Variants in SUPT3H observed in about 807,000 individuals in gnomAD.
SUPT3H encodes the protein SPT3 homolog, SAGA and STAGA complex component, also known as transcription initiation protein SPT3 homolog.
SUPT3H carries 44 observed loss-of-function variants against 44.3 expected under a neutral mutation model. The ratio of observed to expected loss-of-function variants is 0.99; its 90% CI spans 0.78 to 1.28. The LOEUF (loss-of-function observed/expected upper bound fraction) is 1.28. Ranked by LOEUF, SUPT3H falls within the 50% of genes most tolerant of loss-of-function variation. The probability of loss-of-function intolerance (pLI) is 0.00; values close to 1 mark genes in which losing one functional copy is unlikely to be tolerated. For missense variants in SUPT3H, 380 were observed against 387.1 expected (o/e 0.98, Z 0.15); for synonymous variants, 124 against 125.6 (o/e 0.99, Z 0.09).
In SUPT3H at chr6:45,303,501, C is replaced by G. The variant is rs182102666; in HGVS notation, c.101+61700G>C. Among the ~76,000 whole-genome samples the G allele has an allele frequency of 2.6e-5, 4 of 152,114 alleles. No individual in the cohort carries two copies. The South Asian group carries it at 6.2e-4, about 24-fold the overall frequency. On this transcript the variant is annotated intron_variant, in intron 2 of 10. Transcript: ENST00000371459. ...CAAAAGAAGATAGAGAAATGGCCAACAAACATATGAAAAAATGCTTAACAT... is the reference window on the plus strand; with the variant it reads ...CAAAAGAAGATAGAGAAATGGCCAAGAAACATATGAAAAAATGCTTAACAT...
At chr6:45,148,788 T>C (rs977380476) in intron 2 of SUPT3H, among the ~76,000 whole-genome samples, 2 of 152,204 alleles carry the variant, frequency 1.3e-5, no homozygotes, top group African/African-American at 4.8e-5. Flanking sequence ...ATTTTTTAAA[T>C]GTGTTACTGA....
intron 2 of SUPT3H, among the ~76,000 whole-genome samples, chr6:45,260,449 A>T (rs1307635694): frequency 6.6e-6 from 1 of 152,166 alleles, no homozygotes; most frequent in Non-Finnish European, 1.5e-5. Context: ...CTTTAAAAAA[A>T]TTAACACATT....
At chr6:44,900,134 G>A (rs1764737488) in intron 10 of SUPT3H, among the ~76,000 whole-genome samples, 1 of 152,242 alleles carries the variant, frequency 6.6e-6, no homozygotes, top group African/African-American at 2.4e-5. Flanking sequence ...TTCCAACTGA[G>A]GTACCCGGTT....
chr6:45,030,092 A>T (rs1786678350), intron 3 of SUPT3H, among the ~76,000 whole-genome samples: 1 of 151,348 alleles, frequency 6.6e-6, no homozygotes, highest in African/African-American at 2.5e-5. Flanking sequence ...TTTAGTATTT[A>T]ACTATTGAAA....
intron 10 of SUPT3H, among the ~76,000 whole-genome samples, chr6:44,851,023 T>C (rs1475982764): frequency 6.6e-6 from 1 of 152,202 alleles, no homozygotes; most frequent in Non-Finnish European, 1.5e-5. Flanking sequence ...CTGTGACCTC[T>C]GACAGATGGT....
intron 2 of SUPT3H, among the ~76,000 whole-genome samples, chr6:45,331,630 T>C (rs952018441): frequency 6.6e-6 from 1 of 151,950 alleles, no homozygotes; most frequent in Admixed American, 6.6e-5. Flanking sequence ...AATTTTACAT[T>C]ACAAACTGTT....
intron 9 of SUPT3H, among the ~76,000 whole-genome samples, chr6:44,952,764 A>G (rs1435323931): frequency 6.6e-6 from 1 of 152,240 alleles, no homozygotes; most frequent in Non-Finnish European, 1.5e-5. Flanking sequence ...TTAAAATTGG[A>G]AAGAAAACTT....
chr6:45,228,537 T>C (rs1767349135), intron 2 of SUPT3H, among the ~76,000 whole-genome samples: 1 of 152,186 alleles, frequency 6.6e-6, no homozygotes, highest in Admixed American at 6.5e-5. Flanking sequence ...TAAACTTGAA[T>C]CATGTGAGCC....
intron 2 of SUPT3H, among the ~76,000 whole-genome samples, chr6:45,348,121 T>C (rs767314958): frequency 1.8e-4 from 28 of 152,116 alleles, no homozygotes; most frequent in Admixed American, 7.9e-4. Context: ...AGCACCTTTC[T>C]CATTTCCATA....
chr6:45,308,401 C>G (rs1783432466), intron 2 of SUPT3H, among the ~76,000 whole-genome samples: 1 of 152,198 alleles, frequency 6.6e-6, no homozygotes, highest in Non-Finnish European at 1.5e-5. Context: ...GCTGATCTCT[C>G]AGCAGAAACT....
At chr6:44,916,876 G>A (rs1012690554) in intron 10 of SUPT3H, among the ~76,000 whole-genome samples, 4 of 152,130 alleles carry the variant, frequency 2.6e-5, no homozygotes, top group South Asian at 2.1e-4. Context: ...GCTCATGTCT[G>A]TAATTTCCCA....
intron 3 of SUPT3H, among the ~76,000 whole-genome samples, chr6:45,059,844 A>C (rs973151997): frequency 1.3e-5 from 2 of 152,152 alleles, no homozygotes; most frequent in Non-Finnish European, 2.9e-5. Context: ...ACCCATTCAC[A>C]ATTGCCACAA....
intron 2 of SUPT3H, among the ~76,000 whole-genome samples, chr6:45,242,269 T>C (rs1432115740): frequency 3.9e-5 from 6 of 152,162 alleles, no homozygotes; most frequent in African/African-American, 7.2e-5. Flanking sequence ...GGATAGAACA[T>C]AGAAGCCAAA....
intron 3 of SUPT3H, among the ~76,000 whole-genome samples, chr6:45,057,704 G>T (rs1047847166): frequency 6.6e-6 from 1 of 152,082 alleles, no homozygotes; most frequent in African/African-American, 2.4e-5. Flanking sequence ...CACATATTTT[G>T]CAGGGCCTGG....
rs564327227 is a variant in SUPT3H, at chr6:45,147,885, T to A, written c.102-41879A>T. ...AATGTAAGAGAAAGAAGAAAGATGA[T>A]GAAATAAGTAATGTCAGTTAGCTAG... On this transcript the variant is annotated intron_variant, in intron 2 of 10. Transcript: ENST00000371459. 2.0e-5 allele frequency among the ~76,000 whole-genome samples: 3 copies of A among 152,138 alleles called. No homozygotes were observed. In the East Asian group the frequency reaches 5.8e-4, roughly 29 times the overall value.
At chr6:44,848,591 T>A (rs182319326) in intron 10 of SUPT3H, among the ~76,000 whole-genome samples, 4 of 152,216 alleles carry the variant, frequency 2.6e-5, no homozygotes, top group African/African-American at 9.7e-5. Flanking sequence ...TGTGTGGATC[T>A]CTGCAACTGT....
At chr6:45,031,188 C>T (rs1238160201) in intron 3 of SUPT3H, among the ~76,000 whole-genome samples, 1 of 151,906 alleles carries the variant, frequency 6.6e-6, no homozygotes, top group Admixed American at 6.6e-5. Flanking sequence ...GTGAAGAACT[C>T]ATAAAAAAGT....
intron 2 of SUPT3H, among the ~76,000 whole-genome samples, chr6:45,109,918 T>C (rs1799803795): frequency 6.6e-6 from 1 of 152,194 alleles, no homozygotes; most frequent in Admixed American, 6.5e-5. Context: ...ATCAATAGAT[T>C]CTGATACCCT....
At chr6:45,205,694 G>A (rs576778867) in intron 2 of SUPT3H, among the ~76,000 whole-genome samples, 2 of 152,222 alleles carry the variant, frequency 1.3e-5, no homozygotes, top group South Asian at 4.1e-4. Flanking sequence ...CTACCCGGGA[G>A]GCTGAGGCAG....
Sources: gnomAD v4.1 joint callset for allele counts (sites outside exome capture counted in the v4.1 genomes callset) on GRCh38, gnomAD v4.1.1 for gene constraint, MANE v1.5 for transcripts, NCBI Gene and HGNC (gene_info 2026-07-23, HGNC 2026-07-21) for gene names.